CDC14A: variants seen among roughly 807,000 people sequenced by gnomAD.
CDC14A encodes dual specificity protein phosphatase CDC14A.
Under a neutral mutation model 74.4 loss-of-function variants are expected in CDC14A, and 53 were observed. The observed-to-expected ratio is 0.71, with a 90% confidence interval of 0.57 to 0.89. CDC14A has a LOEUF of 0.89. Among genes scored for constraint, CDC14A ranks in the 40% least tolerant of loss-of-function variants. CDC14A has a pLI of 0.00. For missense variants in CDC14A, 646 were observed against 713.7 expected, an observed-to-expected ratio of 0.91 and a Z score of 1.08; for synonymous variants, 247 against 258.4, an observed-to-expected ratio of 0.96 and a Z score of 0.43.
At position 100,453,825 on chromosome 1, in the gene CDC14A, A is replaced by G. The variant is rs1666386420; in HGVS notation, c.520-1580A>G. ...TGGTTAATTTTTTTGTATTTTTAGT[A>G]GAGACGGGGTTTCACCATGTTGCCC... On this transcript the variant is annotated intron_variant, in intron 7 of 15. Transcript: ENST00000336454. 2.0e-5 allele frequency among the ~76,000 whole-genome samples: 3 copies of G among 152,290 alleles called. No individual in the cohort carries two copies. In the South Asian group the frequency reaches 6.2e-4, roughly 32 times the overall value.
intron 2 of CDC14A, among the ~76,000 whole-genome samples, chr1:100,358,217 A>T (rs981577456): frequency 5.6e-4 from 85 of 152,328 alleles, no homozygotes; most frequent in African/African-American, 1.9e-3. Flanking sequence ...GCATTTGATT[A>T]AGCTACAAAT....
At chr1:100,498,049 C>T (rs745840171) in intron 13 of CDC14A, 36 bp from the exon 14 acceptor site, 4 of 1,599,396 alleles carry the variant, frequency 2.5e-6, no homozygotes, top group African/African-American at 2.7e-5. Context: ...GATAAGACTA[C>T]TTTATTGTGA....
chr1:100,397,239 G>A (rs1658634208), intron 4 of CDC14A, among the ~76,000 whole-genome samples: 1 of 152,088 alleles, frequency 6.6e-6, no homozygotes, highest in African/African-American at 2.4e-5. Context: ...GCAGATGCTA[G>A]GCACCCATTT....
intron 11 of CDC14A, among the ~76,000 whole-genome samples, chr1:100,489,614 C>T (rs1354558690): frequency 6.7e-6 from 1 of 149,230 alleles, no homozygotes; most frequent in Non-Finnish European, 1.5e-5. Context: ...TCTTTTGGTA[C>T]AATATTTTAG....
rs112078644 is a variant in CDC14A at position 100,459,126 on chromosome 1, CAGAG to C, written c.608-3509_608-3506del. 1.4e-3 allele frequency among the ~76,000 whole-genome samples: 204 copies of C among 144,542 alleles called. 1 individual carries two copies. The highest frequency in any genetic ancestry group is 1.7e-3 in the African/African-American group (66 of 38,598). 94.8% of individuals were successfully genotyped at this position (144,542 alleles called of 152,430 possible). ...GCACACACACACACACACACACACA[CAGAG>C]AGAGAGAGAGAGAGAAAGATAGCTT... is the stretch of plus-strand genomic sequence containing the variant. On this transcript the variant is annotated intron_variant, in intron 8 of 15. Transcript: ENST00000336454.
At chr1:100,448,116 G>A (rs1165004990) in intron 7 of CDC14A, among the ~76,000 whole-genome samples, 1 of 152,064 alleles carries the variant, frequency 6.6e-6, no homozygotes, top group Non-Finnish European at 1.5e-5. Context: ...TCATCACTGT[G>A]GCTTACATTT....
chr1:100,478,706 G>A (rs17122625), intron 10 of CDC14A, among the ~76,000 whole-genome samples: 8,521 of 152,236 alleles, frequency 0.056, 806 homozygotes, highest in African/African-American at 0.19. Context: ...ATGAAGCACA[G>A]TATTATGGTT....
chr1:100,484,097 AGAATCTTATTTT>A (rs1669792932), intron 10 of CDC14A, among the ~76,000 whole-genome samples, 183 bp from the exon 11 acceptor site: 1 of 152,194 alleles, frequency 6.6e-6, no homozygotes, highest in African/African-American at 2.4e-5. Flanking sequence ...TGTTTAATAT[AGAATCTTATTTT>A]GGCTTTTTGA....
intron 2 of CDC14A, among the ~76,000 whole-genome samples, chr1:100,376,577 C>T (rs570059738): frequency 1.3e-5 from 2 of 152,042 alleles, no homozygotes; most frequent in South Asian, 4.2e-4. Context: ...GATGGTGGAC[C>T]CAGCAGGTAG....
At chr1:100,404,130 G>A (rs1022652915) in intron 4 of CDC14A, among the ~76,000 whole-genome samples, 1 of 151,738 alleles carries the variant, frequency 6.6e-6, no homozygotes, top group African/African-American at 2.4e-5. Context: ...CTAACCGCTT[G>A]CAGTGAGCTG....
At chr1:100,404,201 A>AAG (rs1159907267) in intron 4 of CDC14A, among the ~76,000 whole-genome samples, 2 of 152,032 alleles carry the variant, frequency 1.3e-5, no homozygotes, top group Admixed American at 1.3e-4. Context: ...AAAAAAAAAA[A>AAG]AAGAGCTAAC....
At chr1:100,415,005 G>C (rs1477112931) in intron 4 of CDC14A, among the ~76,000 whole-genome samples, 1 of 152,096 alleles carries the variant, frequency 6.6e-6, no homozygotes, top group East Asian at 1.9e-4. Flanking sequence ...ACTCACCTCA[G>C]GCAGAAGAGA....
intron 11 of CDC14A, among the ~76,000 whole-genome samples, chr1:100,490,839 T>C (rs1037927441): frequency 1.3e-5 from 2 of 152,184 alleles, no homozygotes; most frequent in African/African-American, 2.4e-5. Flanking sequence ...CAAATTTAAA[T>C]GATGAGATGC....
intron 9 of CDC14A, among the ~76,000 whole-genome samples, chr1:100,466,890 A>ATAAAAG (rs1553190651): frequency 6.7e-6 from 1 of 149,030 alleles, no homozygotes; most frequent in African/African-American, 2.5e-5. Context: ...AAAAAAAAAA[A>ATAAAAG]GAAGGGTTAA....
intron 5 of CDC14A, among the ~76,000 whole-genome samples, chr1:100,425,783 G>T (rs1571158634): frequency 6.6e-6 from 1 of 152,200 alleles, no homozygotes; most frequent in African/African-American, 2.4e-5. Context: ...CCTATACTTT[G>T]AAAGTCCTTT....
At chr1:100,388,244 C>T (rs952548836) in intron 3 of CDC14A, among the ~76,000 whole-genome samples, 35 of 152,198 alleles carry the variant, frequency 2.3e-4, no homozygotes, top group African/African-American at 8.2e-4. Context: ...ATGCTTAGGT[C>T]TGAAGAGCCT....
At chr1:100,362,296 T>C (rs940552286) in intron 2 of CDC14A, among the ~76,000 whole-genome samples, 2 of 150,862 alleles carry the variant, frequency 1.3e-5, no homozygotes, top group Non-Finnish European at 2.9e-5. Context: ...GTGAAATTCA[T>C]TGTGTCTTAG....
intron 7 of CDC14A, among the ~76,000 whole-genome samples, chr1:100,444,214 C>T: frequency 6.6e-6 from 1 of 152,200 alleles, no homozygotes; most frequent in East Asian, 1.9e-4. Flanking sequence ...ACTGGTGCCA[C>T]AGGATGTATT....
chr1:100,443,931 G>A (rs1185317493), intron 7 of CDC14A, among the ~76,000 whole-genome samples: 1 of 152,130 alleles, frequency 6.6e-6, no homozygotes, highest in African/African-American at 2.4e-5. Flanking sequence ...TCATCCGTTG[G>A]GTTTCCCCAG....
Sources: gnomAD v4.1 joint callset for allele counts (sites outside exome capture counted in the v4.1 genomes callset) on GRCh38, gnomAD v4.1.1 for gene constraint, MANE v1.5 for transcripts, NCBI Gene and HGNC (gene_info 2026-07-23, HGNC 2026-07-21) for gene names.